The following CNTN4 variants were observed in gnomAD, a reference collection of about 807,000 sequenced individuals.
CNTN4 encodes contactin-4.
A neutral mutation model predicts 122.5 loss-of-function variants in CNTN4; 77 were observed. That is an observed-to-expected ratio of 0.63 (90% CI 0.52 to 0.76). The LOEUF (loss-of-function observed/expected upper bound fraction) is 0.76, where lower values mean the gene tolerates loss of function less well. CNTN4 is among the 30% of genes least tolerant of loss of function. The probability of loss-of-function intolerance (pLI) is 0.00; values close to 1 mark genes in which losing one functional copy is unlikely to be tolerated. For synonymous variants in CNTN4, 512 were observed against 447.0 expected (o/e 1.15, Z -1.83); for missense variants, 1,256 against 1,259.1 (o/e 1.00, Z 0.04).
chr3:3,030,473 A>G (rs1417073925), intron 15 of CNTN4, among the ~76,000 whole-genome samples: 2 of 152,234 alleles, frequency 1.3e-5, no homozygotes. Context: ...TTCCAAATAC[A>G]GAGTTCTAAA....
chr3:3,040,420 G>A (rs577888894), intron 20 of CNTN4, 149 bp downstream of exon 20: 55 of 694,238 alleles, frequency 7.9e-5, no homozygotes, highest in African/African-American at 7.7e-4. Context: ...AATTTGGTTC[G>A]CTGTCCACCA....
intron 4 of CNTN4, among the ~76,000 whole-genome samples, chr3:2,621,558 G>A (rs2081990999): frequency 6.6e-6 from 1 of 151,924 alleles, no homozygotes; most frequent in African/African-American, 2.4e-5. Context: ...ATGACCGGTT[G>A]ATGGGTGCAG....
intron 4 of CNTN4, among the ~76,000 whole-genome samples, chr3:2,673,834 G>T (rs376129361): frequency 6.6e-6 from 1 of 152,114 alleles, no homozygotes; most frequent in African/African-American, 2.4e-5. Context: ...GAGTCGCTGC[G>T]CCCGGCCGGA....
intron 4 of CNTN4, among the ~76,000 whole-genome samples, chr3:2,684,187 T>G (rs986633312): frequency 1.3e-4 from 20 of 152,152 alleles, no homozygotes. Flanking sequence ...TAACATCCAT[T>G]AGCACACCAT....
chr3:2,175,190 T>C (rs1029976065), intron 2 of CNTN4, among the ~76,000 whole-genome samples: 3 of 152,230 alleles, frequency 2.0e-5, no homozygotes, highest in African/African-American at 7.2e-5. Context: ...CTAGGTTCAC[T>C]GTCCTATTTT....
At chr3:2,647,786 C>T (rs1034612804) in intron 4 of CNTN4, among the ~76,000 whole-genome samples, 1 of 152,134 alleles carries the variant, frequency 6.6e-6, no homozygotes, top group Non-Finnish European at 1.5e-5. Flanking sequence ...TGTAGAGATA[C>T]CAGCTGTCTC....
chr3:3,017,261 C>T (rs1003446548), intron 14 of CNTN4, among the ~76,000 whole-genome samples: 1 of 152,166 alleles, frequency 6.6e-6, no homozygotes, highest in South Asian at 2.1e-4. Context: ...TGTTTTAAAA[C>T]TGTAAAAATT....
At chr3:2,813,762 G>C (rs139458698) in intron 6 of CNTN4, among the ~76,000 whole-genome samples, 7 of 151,932 alleles carry the variant, frequency 4.6e-5, no homozygotes, top group African/African-American at 1.7e-4. Context: ...AGGTATTTAT[G>C]GTAAGATACT....
chr3:2,328,604 C>T (rs948493623), intron 2 of CNTN4, among the ~76,000 whole-genome samples: 2 of 151,688 alleles, frequency 1.3e-5, no homozygotes. Context: ...TACAGTTGGC[C>T]CTCCATATCC....
rs988037627 is a variant in CNTN4, at chr3:2,353,410, G to T, written c.-89+14177G>T. On this transcript the variant is annotated intron_variant, in intron 3 of 24. Transcript: ENST00000418658. The stretch of plus-strand genomic sequence containing the variant: ...ATCCCTGCAGTGGCAACCGGGTCTG[G>T]TCCCCTTCCACATTGTGGAAGCTTT... 3.4e-4 allele frequency among the ~76,000 whole-genome samples: 51 copies of T among 152,204 alleles called. 1 individual carries two copies. Among genetic ancestry groups the T allele is most frequent in the African/African-American group, 1.1e-3 (47 of 41,520 alleles).
At chr3:2,133,368 C>G (rs1047786181) in intron 2 of CNTN4, among the ~76,000 whole-genome samples, 8 of 152,236 alleles carry the variant, frequency 5.3e-5, no homozygotes, top group African/African-American at 1.4e-4. Context: ...TAAAATGCAT[C>G]TCTATGAGGG....
intron 3 of CNTN4, among the ~76,000 whole-genome samples, chr3:2,527,772 T>C (rs1217906493): frequency 6.6e-6 from 1 of 152,172 alleles, no homozygotes; most frequent in Admixed American, 6.6e-5. Flanking sequence ...TAGATGTCTT[T>C]CAGCCTTGCT....
chr3:2,167,952 A>G (rs1559304834), intron 2 of CNTN4, among the ~76,000 whole-genome samples: 1 of 152,200 alleles, frequency 6.6e-6, no homozygotes. Context: ...AGACCAAGCA[A>G]CATAGGAAGA....
chr3:2,681,691 C>T (rs1461934589), intron 4 of CNTN4, among the ~76,000 whole-genome samples: 1 of 151,850 alleles, frequency 6.6e-6, no homozygotes, highest in Non-Finnish European at 1.5e-5. Flanking sequence ...TGTGTGCATA[C>T]CCCATATATA....
chr3:2,622,076 A>G (rs2082011224), intron 4 of CNTN4, among the ~76,000 whole-genome samples: 1 of 152,070 alleles, frequency 6.6e-6, no homozygotes, highest in Non-Finnish European at 1.5e-5. Flanking sequence ...CTCTGTTTTA[A>G]ATGTTGGAAA....
intron 2 of CNTN4, among the ~76,000 whole-genome samples, chr3:2,193,648 C>G (rs1287768320): frequency 6.6e-6 from 1 of 152,138 alleles, no homozygotes; most frequent in Non-Finnish European, 1.5e-5. Flanking sequence ...TAATCATGCA[C>G]CACATAATGA....
At chr3:2,916,736 G>A (rs1327645532) in intron 12 of CNTN4, among the ~76,000 whole-genome samples, 2 of 142,382 alleles carry the variant, frequency 1.4e-5, no homozygotes, top group East Asian at 4.1e-4. Context: ...AGACGGGGTG[G>A]CGGCCGGGCA....
intron 4 of CNTN4, among the ~76,000 whole-genome samples, chr3:2,606,908 A>G (rs972870094): frequency 1.3e-5 from 2 of 152,230 alleles, no homozygotes; most frequent in Admixed American, 6.5e-5. Context: ...GTTAAAAATG[A>G]TAACTTCAGA....
Position 2,857,501 on chromosome 3 carries a change from C to T in CNTN4, c.455-9251C>T, listed in dbSNP as rs1041427045. ...AGTGTTTCCATCTGCCCATCATAGT[C>T]CACTTCAGCTGCATCTCTCTGCCAT... On this transcript the variant is annotated intron_variant, in intron 7 of 24. Coordinates refer to ENST00000418658, the MANE Select transcript of CNTN4 (RefSeq NM_175607.3). 2.6e-5 allele frequency among the ~76,000 whole-genome samples: 4 copies of T among 152,200 alleles called. No homozygotes were observed. In the East Asian group the frequency reaches 7.7e-4, roughly 29 times the overall value.
Sources: allele counts gnomAD v4.1 joint callset (sites outside exome capture counted in the v4.1 genomes callset), GRCh38; gene constraint gnomAD v4.1.1; transcripts MANE v1.5; gene names NCBI Gene and HGNC (gene_info 2026-07-23, HGNC 2026-07-21).